The following LRP1B variants were observed in gnomAD, a reference collection of about 807,000 sequenced individuals.
LRP1B encodes LDL receptor related protein 1B.
A neutral mutation model predicts 556.6 loss-of-function variants in LRP1B; 217 were observed. The observed-to-expected ratio is 0.39, with a 90% CI of 0.35 to 0.44. The LOEUF is 0.44. Among genes scored for constraint, LRP1B ranks in the 20% least tolerant of loss-of-function variants. The pLI is 1.00. For missense variants in LRP1B, 5,053 were observed against 5,620.8 expected (o/e 0.90, Z 3.23); for synonymous variants, 2,047 against 1,865.8 (o/e 1.10, Z -2.50).
chr2:141,881,906 G>A (rs1210298147), intron 1 of LRP1B, among the ~76,000 whole-genome samples: 1 of 152,036 alleles, frequency 6.6e-6, no homozygotes. Flanking sequence ...ACTCTAGGAA[G>A]ATATTAAATA....
At chr2:140,617,685 G>A (rs1683306381) in intron 41 of LRP1B, among the ~76,000 whole-genome samples, 1 of 151,920 alleles carries the variant, frequency 6.6e-6, no homozygotes, top group Admixed American at 6.6e-5. Context: ...TTTCTATTCA[G>A]ATAAAATGAG....
At chr2:141,941,749 A>G (rs1405654423) in intron 1 of LRP1B, among the ~76,000 whole-genome samples, 1 of 152,170 alleles carries the variant, frequency 6.6e-6, no homozygotes, top group Non-Finnish European at 1.5e-5. Context: ...TTATTTCAAG[A>G]GCAAGAGGAA....
intron 2 of LRP1B, among the ~76,000 whole-genome samples, chr2:141,502,655 T>C (rs1453473467): frequency 1.3e-5 from 2 of 151,754 alleles, no homozygotes; most frequent in Non-Finnish European, 2.9e-5. Context: ...GGTGAAGAGA[T>C]CGAGACCATC....
intron 3 of LRP1B, among the ~76,000 whole-genome samples, chr2:141,305,223 A>T (rs76416068): frequency 0.12 from 18,357 of 152,142 alleles, 1,469 homozygotes; most frequent in African/African-American, 0.21. Flanking sequence ...TGAAAGTGGG[A>T]TATTTTTGCA....
chr2:141,450,102 A>C lies in LRP1B; in HGVS notation c.343+30294T>G, dbSNP rs565271650. On this transcript the variant is annotated intron_variant, in intron 3 of 90. Coordinates refer to ENST00000389484, the MANE Select transcript of LRP1B (RefSeq NM_018557.3). ...GAAGAAAGGATAAAGGAAGAGAAGG[A>C]GGGTTGGAAGGAAGGAGATACAGAG... is the stretch of plus-strand genomic sequence containing the variant. 1.6e-3 allele frequency among the ~76,000 whole-genome samples: 251 copies of C among 152,246 alleles called. 2 individuals carry two copies. The highest frequency in any genetic ancestry group is 4.6e-3 in the Admixed American group (71 of 15,300).
At position 140,950,349 on chromosome 2, in the gene LRP1B, C is replaced by A. The variant is rs758626871; in HGVS notation, c.3022G>T (p.Asp1008Tyr). 1 of 1,613,038 alleles carries A rather than the reference C, an allele frequency of 6.2e-7. No homozygotes were observed. The highest frequency in any genetic ancestry group is 8.5e-7 in the Non-Finnish European group (1 of 1,179,522). Residue 1008 changes from aspartate to tyrosine, a missense_variant, in exon 20 of 91, where the codon GAT becomes TAT. Physicochemically the swap from Asp to Tyr is radical, Grantham distance 160. Coordinates refer to ENST00000389484, the MANE Select transcript of LRP1B (RefSeq NM_018557.3). ...DEVGCVHSCFDNQFRCSSGRC... is the reference protein window; with the variant it reads ...DEVGCVHSCFYNQFRCSSGRC... The stretch of plus-strand genomic sequence containing the variant: ...CCACTGGAACATCTGAACTGATTAT[C>A]AAAGCAAGAGTGAACACAGCCCACC...
intron 86 of LRP1B, among the ~76,000 whole-genome samples, chr2:140,263,926 T>A (rs750026620): frequency 7.9e-5 from 12 of 151,674 alleles, no homozygotes; most frequent in Non-Finnish European, 1.5e-4. Context: ...GGTATCGAAA[T>A]ATTCATTAGT....
intron 21 of LRP1B, among the ~76,000 whole-genome samples, chr2:140,916,502 GTGCCAGTCAGTTCTCTA>G (rs1573876076): frequency 2.0e-5 from 3 of 152,288 alleles, no homozygotes; most frequent in South Asian, 4.1e-4. Flanking sequence ...ATCCACATGT[GTGCCAGTCAGTTCTCTA>G]TGCCAGTCAG....
chr2:140,317,268 T>TA (rs938986493), intron 82 of LRP1B, among the ~76,000 whole-genome samples: 1 of 151,968 alleles, frequency 6.6e-6, no homozygotes, highest in African/African-American at 2.4e-5. Context: ...AATGGCAGCT[T>TA]AAAAAAGCAG....
intron 2 of LRP1B, among the ~76,000 whole-genome samples, chr2:141,483,173 T>A (rs1353496767): frequency 7.0e-6 from 1 of 143,878 alleles, no homozygotes; most frequent in Non-Finnish European, 1.5e-5. Flanking sequence ...CCATGTGTTC[T>A]CATTGTTCAA....
At chr2:141,063,290 A>G (rs1699390552) in intron 7 of LRP1B, among the ~76,000 whole-genome samples, 1 of 151,864 alleles carries the variant, frequency 6.6e-6, no homozygotes, top group African/African-American at 2.4e-5. Context: ...ACATACTTAC[A>G]TTATCTAACA....
chr2:141,460,431 T>C lies in LRP1B; in HGVS notation c.343+19965A>G, dbSNP rs545205471. On this transcript the variant is annotated intron_variant, in intron 3 of 90. Transcript: ENST00000389484. ...CAATTATGGGGCTGAGAAACAGTAA[T>C]TGGAGATGAGGTCAGACAAATAAGT... Among the ~76,000 whole-genome samples, 19 of 152,070 alleles carry C rather than the reference T, an allele frequency of 1.2e-4. No individual in the cohort carries two copies. In the East Asian group the frequency reaches 1.9e-3, roughly 15 times the overall value.
intron 43 of LRP1B, among the ~76,000 whole-genome samples, chr2:140,594,043 T>C (rs1237971097): frequency 6.6e-6 from 1 of 152,044 alleles, no homozygotes; most frequent in Non-Finnish European, 1.5e-5. Context: ...AGTGACATGA[T>C]GTCGGCTTAC....
chr2:140,845,377 A>ATTCC (rs1692243192), intron 29 of LRP1B, among the ~76,000 whole-genome samples: 1 of 152,154 alleles, frequency 6.6e-6, no homozygotes, highest in African/African-American at 2.4e-5. Flanking sequence ...AGTTAAACTG[A>ATTCC]TTCCTGGTTT....
intron 21 of LRP1B, among the ~76,000 whole-genome samples, chr2:140,913,778 T>TA (rs767374959): frequency 5.3e-5 from 8 of 152,052 alleles, no homozygotes; most frequent in Non-Finnish European, 1.0e-4. Context: ...TTGTTTATAA[T>TA]AGAGTTATAG....
intron 35 of LRP1B, among the ~76,000 whole-genome samples, chr2:140,753,426 G>C (rs1011161374): frequency 7.2e-5 from 11 of 152,040 alleles, no homozygotes; most frequent in Non-Finnish European, 1.0e-4. Flanking sequence ...CAAATGATAT[G>C]AAAACACTAT....
intron 7 of LRP1B, among the ~76,000 whole-genome samples, chr2:141,135,502 G>T (rs1033312929): frequency 6.6e-6 from 1 of 151,982 alleles, no homozygotes; most frequent in African/African-American, 2.4e-5. Context: ...ATTAACGTTT[G>T]AAGCAACACA....
chr2:140,361,287 A>T (rs1181882400), intron 72 of LRP1B, among the ~76,000 whole-genome samples: 4 of 138,530 alleles, frequency 2.9e-5, no homozygotes, highest in African/African-American at 1.1e-4. Context: ...TGATCATACT[A>T]CAAGGCCAAC....
chr2:141,323,841 G>C (rs889522313), intron 3 of LRP1B, among the ~76,000 whole-genome samples: 3 of 151,464 alleles, frequency 2.0e-5, no homozygotes, highest in Non-Finnish European at 4.4e-5. Flanking sequence ...TGCCATGGTA[G>C]TGCAAAGGAA....
Sources: allele counts gnomAD v4.1 joint callset (sites outside exome capture counted in the v4.1 genomes callset), GRCh38; gene constraint gnomAD v4.1.1; transcripts MANE v1.5; gene names NCBI Gene and HGNC (gene_info 2026-07-23, HGNC 2026-07-21).